GLYR1: variants seen among roughly 807,000 people sequenced by gnomAD.
GLYR1 encodes the protein cytokine-like nuclear factor N-PAC.
In GLYR1, 21 loss-of-function variants were observed where a neutral mutation model predicts 72.7. The observed-to-expected ratio is 0.29, with a 90% CI of 0.20 to 0.42. The LOEUF (loss-of-function observed/expected upper bound fraction) is 0.42, where lower values mean the gene tolerates loss of function less well. Among genes scored for constraint, GLYR1 ranks in the 10% least tolerant of loss-of-function variants. GLYR1 has a pLI of 1.00. For missense variants in GLYR1, 594 were observed against 712.1 expected, an observed-to-expected ratio of 0.83 and a Z score of 1.89; for synonymous variants, 392 against 270.2, an observed-to-expected ratio of 1.45 and a Z score of -4.42.
At chr16:4,836,062 G>A (rs2085109243) in intron 3 of GLYR1, among the ~76,000 whole-genome samples, 1 of 152,138 alleles carries the variant, frequency 6.6e-6, no homozygotes, top group Non-Finnish European at 1.5e-5. Context: ...GCCACCCAAA[G>A]TGCTGGGATT....
chr16:4,832,261 C>T (rs772255033), intron 4 of GLYR1, 40 bp from the exon 5 acceptor site: 9 of 1,607,440 alleles, frequency 5.6e-6, no homozygotes, highest in Admixed American at 1.7e-5. Flanking sequence ...ACCACCACAG[C>T]TGCTGCCGCC....
At chr16:4,824,939 T>G (rs1256945012) in intron 5 of GLYR1, among the ~76,000 whole-genome samples, 1 of 152,124 alleles carries the variant, frequency 6.6e-6, no homozygotes, top group African/African-American at 2.4e-5. Flanking sequence ...TAGGCCGATA[T>G]CTTTAGAGCC....
intron 5 of GLYR1, among the ~76,000 whole-genome samples, chr16:4,826,683 C>T (rs1222753940): frequency 6.6e-6 from 1 of 152,216 alleles, no homozygotes; most frequent in Non-Finnish European, 1.5e-5. Flanking sequence ...CAATGATGGG[C>T]GTGTACTCCA....
chr16:4,826,136 C>T (rs567040533), intron 5 of GLYR1, among the ~76,000 whole-genome samples: 8 of 152,262 alleles, frequency 5.3e-5, no homozygotes, highest in Non-Finnish European at 1.0e-4. Flanking sequence ...CAGCCTCAAC[C>T]ACTTGAGCTC....
At chr16:4,814,955 T>G (rs1254151476) in intron 10 of GLYR1, among the ~76,000 whole-genome samples, 3 of 152,216 alleles carry the variant, frequency 2.0e-5, no homozygotes, top group Non-Finnish European at 4.4e-5. Context: ...CGCTGTGCTG[T>G]CCTGGCTGTG....
intron 15 of GLYR1, among the ~76,000 whole-genome samples, chr16:4,810,959 G>C (rs1345223015): frequency 6.6e-6 from 1 of 151,888 alleles, no homozygotes; most frequent in Non-Finnish European, 1.5e-5. Context: ...ACAAAAATTA[G>C]CTAGGCATGG....
At chr16:4,838,603 T>C (rs555423730) in intron 3 of GLYR1, among the ~76,000 whole-genome samples, 1 of 152,176 alleles carries the variant, frequency 6.6e-6, no homozygotes, top group African/African-American at 2.4e-5. Context: ...TTTTTTTTTT[T>C]TGAGACAGAG....
chr16:4,820,171 T>C (rs1442282110), intron 9 of GLYR1, among the ~76,000 whole-genome samples: 2 of 152,206 alleles, frequency 1.3e-5, no homozygotes. Flanking sequence ...CTAATTTTTG[T>C]AGAGACAGGG....
chr16:4,806,792 G>A (rs1193995267), intron 15 of GLYR1, among the ~76,000 whole-genome samples: 2 of 151,494 alleles, frequency 1.3e-5, no homozygotes, highest in African/African-American at 4.9e-5. Context: ...AAATGAAACT[G>A]GAATTCTTTT....
At chr16:4,821,788 C>G in intron 7 of GLYR1, 191 bp from the exon 8 acceptor site, 2 of 624,080 alleles carry the variant, frequency 3.2e-6, no homozygotes, top group Non-Finnish European at 5.7e-6. Flanking sequence ...TGCAATTCTA[C>G]CAGGTCTTTT....
chr16:4,818,414 C>A (rs2083790782), intron 9 of GLYR1, among the ~76,000 whole-genome samples: 1 of 152,138 alleles, frequency 6.6e-6, no homozygotes, highest in Non-Finnish European at 1.5e-5. Flanking sequence ...TCCCCCTCAG[C>A]CTCCTGGGTA....
At chr16:4,820,758 C>G (rs942391802) in intron 9 of GLYR1, among the ~76,000 whole-genome samples, 4 of 152,210 alleles carry the variant, frequency 2.6e-5, no homozygotes, top group Non-Finnish European at 4.4e-5. Context: ...TTTTTGCCAA[C>G]AAGACTCTGC....
intron 3 of GLYR1, among the ~76,000 whole-genome samples, chr16:4,838,795 G>T (rs904858045): frequency 6.6e-6 from 1 of 152,054 alleles, no homozygotes; most frequent in African/African-American, 2.4e-5. Flanking sequence ...CACCATGTTA[G>T]CCAGCATGGT....
chr16:4,817,727 G>C (rs1390077051), intron 9 of GLYR1, 30 bp from the exon 10 acceptor site: 1 of 1,363,888 alleles, frequency 7.3e-7, no homozygotes, highest in Non-Finnish European at 1.1e-6. Context: ...ATGAGTTCAG[G>C]GTGGAAAGGG....
chr16:4,813,746 C>A lies in GLYR1; in HGVS notation c.1110G>T (p.Glu370Asp). The change falls in exon 12 of 16, where the codon GAG becomes GAT. Residue 370 changes from glutamate (E) to aspartate (D), a missense_variant. By Grantham distance (45) the Glu-to-Asp change is conservative. Coordinates refer to ENST00000321919, the MANE Select transcript of GLYR1 (RefSeq NM_032569.4). ...CAAGGAAGGCTGCTACCTGGGCCAG[C>A]TCAGTGACGGTGTCAGCGTCCACTG... ...MSTVDADTVT[E>D]LAQVIVSRGG... The A allele has an allele frequency of 6.2e-7, 1 of 1,603,354 alleles. No homozygotes were observed.
At chr16:4,828,114 G>A (rs1036444089) in intron 5 of GLYR1, among the ~76,000 whole-genome samples, 1 of 151,542 alleles carries the variant, frequency 6.6e-6, no homozygotes, top group South Asian at 2.1e-4. Flanking sequence ...CTGTCACCCA[G>A]GCTGGGGTGC....
intron 13 of GLYR1, 65 bp from the exon 14 acceptor site, chr16:4,811,867 C>T (rs1210779711): frequency 3.9e-6 from 6 of 1,540,656 alleles, no homozygotes; most frequent in Non-Finnish European, 5.3e-6. Context: ...CTCTGTCCAC[C>T]CTCACCTCTG....
In GLYR1 at chr16:4,803,312, C is replaced by T. The variant is rs1390559473; in HGVS notation, c.*1924G>A. On this transcript the variant is annotated 3_prime_UTR_variant, in exon 16 of 16. Coordinates refer to ENST00000321919, the MANE Select transcript of GLYR1 (RefSeq NM_032569.4). ...TATCACACAATCCTATTCTGAAAGACAAATGTTCATTAAAAACAAAGCAAA... is the reference window on the plus strand; with the variant it reads ...TATCACACAATCCTATTCTGAAAGATAAATGTTCATTAAAAACAAAGCAAA... 2 of 152,616 alleles carry T rather than the reference C, an allele frequency of 1.3e-5. No homozygotes were observed. Among genetic ancestry groups the T allele is most frequent in the African/African-American group, 2.4e-5 (1 of 41,446 alleles). The allele number at this position is 152,616 out of a possible 1,614,324, so 9.5% of individuals were successfully genotyped here.
At chr16:4,834,925 C>G (rs2085037410) in intron 3 of GLYR1, among the ~76,000 whole-genome samples, 1 of 152,140 alleles carries the variant, frequency 6.6e-6, no homozygotes, top group African/African-American at 2.4e-5. Flanking sequence ...ATGCTAATGA[C>G]AGGCCAGAGC....
Sources: allele counts gnomAD v4.1 joint callset (sites outside exome capture counted in the v4.1 genomes callset), GRCh38; gene constraint gnomAD v4.1.1; transcripts MANE v1.5; gene names NCBI Gene and HGNC (gene_info 2026-07-23, HGNC 2026-07-21).